The following TSGA10IP variants were observed in gnomAD, a reference collection of about 807,000 sequenced individuals.
The protein encoded by TSGA10IP is testis-specific protein 10-interacting protein.
In TSGA10IP, 64 loss-of-function variants were observed where a neutral mutation model predicts 63.2. The ratio of observed to expected loss-of-function variants is 1.01; its 90% CI spans 0.83 to 1.25. The LOEUF (loss-of-function observed/expected upper bound fraction) is 1.25, where lower values mean the gene tolerates loss of function less well. TSGA10IP is among the 50% of genes most tolerant of loss of function. TSGA10IP has a pLI of 0.00. For synonymous variants in TSGA10IP, 316 were observed against 298.3 expected (o/e 1.06, Z -0.61); for missense variants, 681 against 710.1 (o/e 0.96, Z 0.47).
At chr11:65,949,873 A>G (rs1174562920) in intron 4 of TSGA10IP, among the ~76,000 whole-genome samples, 1 of 10,370 alleles carries the variant, frequency 9.6e-5, no homozygotes, top group Non-Finnish European at 2.3e-4. Flanking sequence ...TTTTTTTTTG[A>G]GACAGAGTCT....
exon 5 of TSGA10IP, chr11:65,953,715 C>A (rs1214612943): frequency 6.4e-7 from 1 of 1,555,650 alleles, no homozygotes. Context: ...TGGGGCGGCC[C>A]AGCGCAAGCT....
chr11:65,945,643 C>G (rs773500672), exon 1 of TSGA10IP: 40 of 1,603,902 alleles, frequency 2.5e-5, no homozygotes, highest in Non-Finnish European at 3.3e-5. Flanking sequence ...GCCTGTTAGG[C>G]AGTTCTACGG....
At position 65,948,162 on chromosome 11, in the gene TSGA10IP, G is replaced by A; in HGVS notation, c.1151+14G>A. 1 of 1,598,766 alleles carries A rather than the reference G, an allele frequency of 6.3e-7. No homozygotes were observed. Among genetic ancestry groups the A allele is most frequent in the Non-Finnish European group, 8.5e-7 (1 of 1,172,934 alleles). On this transcript the variant is annotated intron_variant, in intron 4 of 7. Transcript: ENST00000532620. ...GGAAGCCACCAGGTAAGAGGGAAGA[G>A]AAGGGAGTGGGAGCCCAGAATGAGA...
At chr11:65,951,344 C>T (rs967336410) in intron 4 of TSGA10IP, among the ~76,000 whole-genome samples, 3 of 151,932 alleles carry the variant, frequency 2.0e-5, no homozygotes, top group Non-Finnish European at 4.4e-5. Context: ...CCCTTTTCTC[C>T]ACATCATCAC....
intron 1 of TSGA10IP, among the ~76,000 whole-genome samples, chr11:65,946,433 G>T (rs548313649): frequency 0.023 from 3,514 of 151,862 alleles, 153 homozygotes; most frequent in African/African-American, 0.08. Context: ...GGGTTTTTTT[G>T]TTTGTTTGTT....
intron 4 of TSGA10IP, among the ~76,000 whole-genome samples, chr11:65,950,788 T>A (rs1854929749): frequency 6.6e-6 from 1 of 152,062 alleles, no homozygotes; most frequent in Admixed American, 6.6e-5. Context: ...GGTCTCGCTA[T>A]CCTGACCTCG....
chr11:65,954,969 G>A (rs936506689), intron 5 of TSGA10IP, among the ~76,000 whole-genome samples: 10 of 152,212 alleles, frequency 6.6e-5, no homozygotes, highest in East Asian at 1.9e-4. Flanking sequence ...TGTGGTGGGC[G>A]CATGCGCTCA....
intron 4 of TSGA10IP, among the ~76,000 whole-genome samples, chr11:65,949,234 G>A (rs562864340): frequency 9.2e-5 from 14 of 152,060 alleles, no homozygotes; most frequent in Non-Finnish European, 2.1e-4. Flanking sequence ...GAGCTGAAGG[G>A]GAGACTGGAG....
intron 5 of TSGA10IP, among the ~76,000 whole-genome samples, chr11:65,954,294 T>C (rs1854990522): frequency 6.6e-6 from 1 of 151,324 alleles, no homozygotes; most frequent in Non-Finnish European, 1.5e-5. Flanking sequence ...GTCTCCCGAG[T>C]AGCTGAGACT....
intron 5 of TSGA10IP, among the ~76,000 whole-genome samples, chr11:65,956,030 ACCC>A (rs1855017819): frequency 6.6e-6 from 1 of 151,568 alleles, no homozygotes; most frequent in Non-Finnish European, 1.5e-5. Flanking sequence ...CTTTTTCTGC[ACCC>A]TGTCTCCTTT....
At chr11:65,949,850 G>GTA (rs1555055660) in intron 4 of TSGA10IP, among the ~76,000 whole-genome samples, 1 of 101,702 alleles carries the variant, frequency 9.8e-6, no homozygotes, top group African/African-American at 3.9e-5. Flanking sequence ...CATTACCTCG[G>GTA]TTTTTTTTTT....
At chr11:65,958,478 C>T (rs771066995) in intron 5 of TSGA10IP, among the ~76,000 whole-genome samples, 29 of 152,142 alleles carry the variant, frequency 1.9e-4, no homozygotes, top group Non-Finnish European at 3.8e-4. Context: ...CACCCAAAGT[C>T]ACACAACCAA....
chr11:65,953,681 C>T (rs1023825708), exon 5 of TSGA10IP: 37 of 1,588,150 alleles, frequency 2.3e-5, no homozygotes, highest in Non-Finnish European at 2.5e-5. Context: ...TGGCAGCCTA[C>T]GCACCCAGAG....
chr11:65,947,505 G>A, exon 3 of TSGA10IP: 1 of 1,613,366 alleles, frequency 6.2e-7, no homozygotes, highest in Non-Finnish European at 8.5e-7. Flanking sequence ...GAGGCCGAGA[G>A]GGGTCTGAGT....
chr11:65,955,007 A>G (rs1440226373), intron 5 of TSGA10IP, among the ~76,000 whole-genome samples: 2 of 152,234 alleles, frequency 1.3e-5, no homozygotes, highest in African/African-American at 4.8e-5. Flanking sequence ...CACGCATCAC[A>G]TGTAACATTA....
intron 5 of TSGA10IP, among the ~76,000 whole-genome samples, chr11:65,957,444 A>G (rs955096263): frequency 6.6e-6 from 1 of 152,228 alleles, no homozygotes; most frequent in Admixed American, 6.5e-5. Flanking sequence ...TAAAGTATCC[A>G]GCAGGAAAAG....
exon 3 of TSGA10IP, chr11:65,947,356 C>G: frequency 6.2e-7 from 1 of 1,611,998 alleles, no homozygotes; most frequent in Non-Finnish European, 8.5e-7. Context: ...AGCTGGGAGC[C>G]TGGGGCGGTG....
At chr11:65,957,538 G>T (rs1205115800) in intron 5 of TSGA10IP, among the ~76,000 whole-genome samples, 1 of 152,212 alleles carries the variant, frequency 6.6e-6, no homozygotes, top group African/African-American at 2.4e-5. Context: ...CTTCCTAAAT[G>T]GTGAAAGCCG....
chr11:65,958,044 C>A (rs1270244327), intron 5 of TSGA10IP, among the ~76,000 whole-genome samples: 1 of 152,220 alleles, frequency 6.6e-6, no homozygotes, highest in Non-Finnish European at 1.5e-5. Flanking sequence ...GCCTAGACCT[C>A]CGAGGCTCAA....
Sources: allele counts gnomAD v4.1 joint callset (sites outside exome capture counted in the v4.1 genomes callset), GRCh38; gene constraint gnomAD v4.1.1; transcripts MANE v1.5; gene names NCBI Gene and HGNC (gene_info 2026-07-23, HGNC 2026-07-21).